CEP135: variants seen among roughly 807,000 people sequenced by gnomAD.
CEP135 encodes the protein centrosomal protein 135.
Under a neutral mutation model 157.3 loss-of-function variants are expected in CEP135, and 142 were observed. That is an observed-to-expected ratio of 0.90 (90% confidence interval 0.79 to 1.04). The LOEUF (loss-of-function observed/expected upper bound fraction) is 1.04. Among genes scored for constraint, CEP135 ranks in the 50% least tolerant of loss-of-function variants. CEP135 has a pLI of 0.00. For missense variants in CEP135, 1,317 were observed against 1,309.2 expected, an observed-to-expected ratio of 1.01 and a Z score of -0.09; for synonymous variants, 396 against 439.8, an observed-to-expected ratio of 0.90 and a Z score of 1.25.
intron 18 of CEP135, among the ~76,000 whole-genome samples, chr4:56,009,093 C>T (rs1174349599): frequency 6.6e-6 from 1 of 152,116 alleles, no homozygotes; most frequent in African/African-American, 2.4e-5. Flanking sequence ...GTAGAAACAA[C>T]GTCTCCCTAT....
Position 56,011,485 on chromosome 4 carries a change from C to G in CEP135, c.2579C>G (p.Thr860Arg). 3 of 1,610,582 alleles carry G rather than the reference C, an allele frequency of 1.9e-6. No homozygotes were observed. Among genetic ancestry groups the G allele is most frequent in the Non-Finnish European group, 2.5e-6 (3 of 1,179,138 alleles). ...AAGAGCAGAGTTCATAAATACATAA[C>G]AGAGGTGTCACGATGGGAGAGCTTA... ...EMKSRVHKYI[T>R]EVSRWESLMA... The change falls in exon 20 of 26, where the codon ACA becomes AGA. Residue 860 changes from threonine to arginine, a missense_variant. Physicochemically the swap from Thr to Arg is moderately conservative, Grantham distance 71. Coordinates refer to ENST00000257287, the MANE Select transcript of CEP135 (RefSeq NM_025009.5).
Position 55,952,204 on chromosome 4 carries a change from T to A in CEP135, c.74T>A (p.Leu25Gln). 6.2e-7 allele frequency: 1 copy of A among 1,613,194 alleles called. No homozygotes were observed. The change falls in exon 2 of 26, where the codon CTG (leucine) becomes CAG (glutamine). Residue 25 changes from leucine to glutamine, a missense_variant. Transcript: ENST00000257287. ...GATCAGCTGGGATACCGCCAGACTC[T>A]GACAGTGGAGTGTTTACCTTTGGTA... ...RLDQLGYRQT[L>Q]TVECLPLVEK...
At chr4:56,007,873 A>G (rs1730411881) in intron 17 of CEP135, among the ~76,000 whole-genome samples, 1 of 152,112 alleles carries the variant, frequency 6.6e-6, no homozygotes, top group Admixed American at 6.5e-5. Context: ...TGCTGATGAT[A>G]ATGTTAGCAT....
chr4:56,023,698 T>A (rs1350309758), intron 24 of CEP135, among the ~76,000 whole-genome samples: 2 of 141,164 alleles, frequency 1.4e-5, no homozygotes, highest in Non-Finnish European at 3.0e-5. Flanking sequence ...AATATATATA[T>A]AATATACTGT....
chr4:56,026,136 G>A (rs914374935), intron 25 of CEP135, among the ~76,000 whole-genome samples: 3 of 152,122 alleles, frequency 2.0e-5, no homozygotes, highest in Non-Finnish European at 4.4e-5. Context: ...TTGAACCCAG[G>A]AGGCAGAAGT....
chr4:55,986,478 G>C (rs138929368), intron 14 of CEP135, among the ~76,000 whole-genome samples: 2 of 152,210 alleles, frequency 1.3e-5, no homozygotes, highest in East Asian at 3.9e-4. Flanking sequence ...GGAGTTCAAG[G>C]CTGTAGTGAG....
intron 11 of CEP135, 36 bp from the exon 12 acceptor site, chr4:55,980,107 G>A: frequency 6.5e-7 from 1 of 1,527,898 alleles, no homozygotes; most frequent in Non-Finnish European, 9.0e-7. Context: ...CAACCATGTG[G>A]TGATGATTAT....
At chr4:55,956,891 G>C (rs1728524148) in intron 4 of CEP135, among the ~76,000 whole-genome samples, 1 of 152,136 alleles carries the variant, frequency 6.6e-6, no homozygotes, top group African/African-American at 2.4e-5. Flanking sequence ...TGGGATTATA[G>C]GTGTGAGCCG....
rs770877584 is a variant in CEP135, at chr4:55,974,772, A to C, written c.1276A>C (p.Arg426=). The change falls in exon 11 of 26, where the codon AGG becomes CGG. Residue 426 remains arginine, a synonymous_variant. Transcript: ENST00000257287. ...TERQLTLEVE[R]MRLEHGIKRR... Reference sequence around the variant, plus strand: ...ACGACAACTTACTCTGGAGGTTGAGAGGATGAGACTAGAACATGGAATAAA... The same window carrying C: ...ACGACAACTTACTCTGGAGGTTGAGCGGATGAGACTAGAACATGGAATAAA... 3 of 1,613,168 alleles carry C rather than the reference A, an allele frequency of 1.9e-6. No individual in the cohort carries two copies. Among genetic ancestry groups the C allele is most frequent in the Non-Finnish European group, 2.5e-6 (3 of 1,179,598 alleles).
chr4:56,028,355 G>A (rs1255460325), intron 25 of CEP135, among the ~76,000 whole-genome samples: 1 of 152,140 alleles, frequency 6.6e-6, no homozygotes, highest in Non-Finnish European at 1.5e-5. Flanking sequence ...GAGGGTTCCT[G>A]TTCTCCACAT....
At chr4:55,954,965 C>T (rs955146063) in intron 4 of CEP135, among the ~76,000 whole-genome samples, 42 of 152,046 alleles carry the variant, frequency 2.8e-4, no homozygotes, top group African/African-American at 9.9e-4. Context: ...CCTATAGTTC[C>T]AGCTACTTGG....
At chr4:55,989,125 A>G (rs1729703825) in intron 14 of CEP135, among the ~76,000 whole-genome samples, 1 of 152,184 alleles carries the variant, frequency 6.6e-6, no homozygotes, top group Admixed American at 6.5e-5. Flanking sequence ...ACTATTGGCT[A>G]TTCATATTTT....
intron 22 of CEP135, among the ~76,000 whole-genome samples, chr4:56,018,772 T>TA (rs1156652978): frequency 6.6e-6 from 1 of 151,778 alleles, no homozygotes; most frequent in Non-Finnish European, 1.5e-5. Context: ...AAAAAAAAAG[T>TA]AAGACTTGAA....
At chr4:55,998,384 A>G (rs1456768800) in intron 15 of CEP135, among the ~76,000 whole-genome samples, 1 of 152,132 alleles carries the variant, frequency 6.6e-6, no homozygotes, top group Non-Finnish European at 1.5e-5. Flanking sequence ...CTGACAAATA[A>G]TCCTACTGAT....
intron 19 of CEP135, 109 bp from the exon 20 acceptor site, chr4:56,011,303 T>G: frequency 1.4e-6 from 1 of 708,162 alleles, no homozygotes; most frequent in South Asian, 2.0e-5. Context: ...AGTTTTCCTT[T>G]TGCCCTACTC....
chr4:55,997,868 T>G (rs79185712), intron 15 of CEP135, among the ~76,000 whole-genome samples: 10,470 of 152,244 alleles, frequency 0.069, 484 homozygotes, highest in Middle Eastern at 0.082. Context: ...TACGGTGCAG[T>G]CACCTGAACC....
At chr4:55,983,453 C>T (rs898003788) in intron 13 of CEP135, among the ~76,000 whole-genome samples, 6 of 152,274 alleles carry the variant, frequency 3.9e-5, no homozygotes, top group East Asian at 1.9e-4. Context: ...GTTGTCAAAT[C>T]CAAGCATCAT....
chr4:55,977,075 G>A (rs1053713818), intron 11 of CEP135, among the ~76,000 whole-genome samples: 2 of 151,900 alleles, frequency 1.3e-5, no homozygotes, highest in Admixed American at 6.6e-5. Flanking sequence ...GCCTGCCTTG[G>A]CCTCCCAAAG....
chr4:55,953,369 A>T (rs1728418073), intron 3 of CEP135, 94 bp downstream of exon 3: 1 of 935,918 alleles, frequency 1.1e-6, no homozygotes, highest in Non-Finnish European at 1.6e-6. Flanking sequence ...ACTATTGATT[A>T]GAAAATATAG....
Sources: gnomAD v4.1 joint callset for allele counts (sites outside exome capture counted in the v4.1 genomes callset) on GRCh38, gnomAD v4.1.1 for gene constraint, MANE v1.5 for transcripts, NCBI Gene and HGNC (gene_info 2026-07-23, HGNC 2026-07-21) for gene names.